The following SHROOM4 variants were observed in gnomAD, a reference collection of about 807,000 sequenced individuals.
SHROOM4 encodes the protein protein Shroom4.
In SHROOM4, 17 loss-of-function variants were observed where a neutral mutation model predicts 80.3. The observed-to-expected ratio is 0.21, with a 90% confidence interval of 0.14 to 0.32. The LOEUF is 0.32. Among genes scored for constraint, SHROOM4 ranks in the 10% least tolerant of loss-of-function variants. The probability of loss-of-function intolerance (pLI) is 1.00; values close to 1 mark genes in which losing one functional copy is unlikely to be tolerated. For synonymous variants in SHROOM4, 400 were observed against 437.5 expected (o/e 0.91, Z 1.07); for missense variants, 993 against 1,140.3 (o/e 0.87, Z 1.86).
At position 50,634,547 on chromosome X, in the gene SHROOM4, A is replaced by G; in HGVS notation, c.1526T>C (p.Phe509Ser). The change falls in exon 4 of 9, where the codon TTC (phenylalanine) becomes TCC (serine). Residue 509 changes from phenylalanine to serine, a missense_variant. Coordinates refer to ENST00000376020, the MANE Select transcript of SHROOM4 (RefSeq NM_020717.5). The part of the protein sequence containing the change: ...EADGHPSEKG[F>S]LDPNRTSRAA... ...TCTGCTTGTTCTGTTTGGGTCCAGGAAACCTTTTTCTGAGGGGTGTCCATC... is the reference window on the plus strand; with the variant it reads ...TCTGCTTGTTCTGTTTGGGTCCAGGGAACCTTTTTCTGAGGGGTGTCCATC... 1 of 1,211,625 alleles carries G rather than the reference A, an allele frequency of 8.3e-7. No individual in the cohort carries two copies. The highest frequency in any genetic ancestry group is 1.1e-6 in the Non-Finnish European group (1 of 895,530).
intron 1 of SHROOM4, among the ~76,000 whole-genome samples, chrX:50,795,096 TATATG>T (rs1467043369): frequency 1.7e-5 from 1 of 58,079 alleles, no homozygotes; most frequent in African/African-American, 9.0e-5. Context: ...ATGATATATA[TATATG>T]ATATATATAT....
chrX:50,669,094 A>AATC (rs1932763870), intron 2 of SHROOM4, among the ~76,000 whole-genome samples: 1 of 112,554 alleles, frequency 8.9e-6, no homozygotes, highest in Non-Finnish European at 1.9e-5. Context: ...AGTGAGTCAT[A>AATC]ATCTTTTTGC....
intron 2 of SHROOM4, among the ~76,000 whole-genome samples, chrX:50,651,055 T>C (rs368766318): frequency 9.5e-4 from 106 of 111,311 alleles, no homozygotes; most frequent in African/African-American, 3.2e-3. Flanking sequence ...CAAGTCAAGG[T>C]CAGTATCAAG....
intron 4 of SHROOM4, among the ~76,000 whole-genome samples, chrX:50,629,391 C>T (rs1366383266): frequency 3.6e-5 from 4 of 111,821 alleles, no homozygotes; most frequent in East Asian, 2.8e-4. Context: ...GGATTCAAAT[C>T]GCACACCTGC....
At chrX:50,769,729 C>T (rs781832266) in intron 1 of SHROOM4, among the ~76,000 whole-genome samples, 3 of 111,580 alleles carry the variant, frequency 2.7e-5, no homozygotes, top group South Asian at 7.7e-4. Flanking sequence ...GTCTACCCTT[C>T]TGCCTTAATA....
Position 50,669,383 on chromosome X carries a change from C to T in SHROOM4, c.269+26403G>A, listed in dbSNP as rs782345332. Among the ~76,000 whole-genome samples, 66 of 111,533 alleles carry T rather than the reference C, an allele frequency of 5.9e-4. 1 individual carries two copies. Among genetic ancestry groups the T allele is most frequent in the Admixed American group, 3.8e-3 (40 of 10,537 alleles). The stretch of plus-strand genomic sequence containing the variant: ...GCAGTGGCGTGATCACAGCTTACTG[C>T]GGTCTCTACCTCCCTGGGCTCAAGC... On this transcript the variant is annotated intron_variant, in intron 2 of 8. Transcript: ENST00000376020.
chrX:50,687,144 T>C (rs1276203330), intron 2 of SHROOM4: 2 of 111,633 alleles, frequency 1.8e-5, no homozygotes, highest in African/African-American at 6.5e-5. Flanking sequence ...GGTCTTCTTT[T>C]TGGAGAATGC....
Position 50,695,965 on chromosome X carries a change from C to A in SHROOM4, c.118-28G>T, listed in dbSNP as rs782161557. The A allele has an allele frequency of 9.9e-6, 12 of 1,207,655 alleles. No homozygotes were observed. The South Asian group carries it at 1.6e-4, about 16-fold the overall frequency. On this transcript the variant is annotated intron_variant, in intron 1 of 8. Coordinates refer to ENST00000376020, the MANE Select transcript of SHROOM4 (RefSeq NM_020717.5). ...GTGTTGCAGAGAACAAAACAGAAAG[C>A]AGGTAGTGAGATGACTTTCTCCCCA... is the stretch of plus-strand genomic sequence containing the variant.
intron 1 of SHROOM4, among the ~76,000 whole-genome samples, chrX:50,706,449 C>A (rs782309989): frequency 1.8e-5 from 2 of 112,190 alleles, no homozygotes; most frequent in East Asian, 5.6e-4. Flanking sequence ...AGTTGCTCAA[C>A]AAATATTTGT....
intron 2 of SHROOM4, among the ~76,000 whole-genome samples, chrX:50,691,750 G>A (rs782782723): frequency 1.8e-5 from 2 of 111,791 alleles, no homozygotes; most frequent in East Asian, 5.6e-4. Flanking sequence ...TCAAACCAAA[G>A]TCTTTCTACC....
chrX:50,599,072 G>A (rs1372097948), intron 7 of SHROOM4, among the ~76,000 whole-genome samples: 1 of 108,928 alleles, frequency 9.2e-6, no homozygotes, highest in Non-Finnish European at 1.9e-5. Context: ...ATGTTGGCCA[G>A]GCTGACCTCA....
At chrX:50,803,729 T>C (rs1264763351) in intron 1 of SHROOM4, among the ~76,000 whole-genome samples, 1 of 112,391 alleles carries the variant, frequency 8.9e-6, no homozygotes, top group Non-Finnish European at 1.9e-5. Flanking sequence ...TCAACAAAAC[T>C]GTCATCTCTT....
chrX:50,715,782 A>T (rs782159700), intron 1 of SHROOM4, among the ~76,000 whole-genome samples: 4 of 109,811 alleles, frequency 3.6e-5, no homozygotes, highest in African/African-American at 1.3e-4. Flanking sequence ...TACAGCCATT[A>T]TGAAAAACGG....
chrX:50,761,841 G>A (rs1406631823), intron 1 of SHROOM4, among the ~76,000 whole-genome samples: 1 of 111,763 alleles, frequency 8.9e-6, no homozygotes, highest in Non-Finnish European at 1.9e-5. Context: ...GATTACAAGC[G>A]TGAGCCACTG....
chrX:50,683,880 T>C (rs1932997317), intron 2 of SHROOM4, among the ~76,000 whole-genome samples: 3 of 110,249 alleles, frequency 2.7e-5, no homozygotes, highest in Admixed American at 9.7e-5. Context: ...GTTAGAAGAG[T>C]AGAGAAACTT....
At chrX:50,762,568 T>C (rs1557269000) in intron 1 of SHROOM4, among the ~76,000 whole-genome samples, 1 of 112,338 alleles carries the variant, frequency 8.9e-6, no homozygotes, top group African/African-American at 3.2e-5. Flanking sequence ...ATATTTCTTG[T>C]AAGGGAAGTC....
In SHROOM4 at chrX:50,635,355, T is replaced by G; in HGVS notation, c.718A>C (p.Ser240Arg). The G allele has an allele frequency of 8.3e-7, 1 of 1,204,691 alleles. No individual in the cohort carries two copies. Among genetic ancestry groups the G allele is most frequent in the Non-Finnish European group, 1.1e-6 (1 of 891,886 alleles). The change falls in exon 4 of 9, where the codon AGT becomes CGT. Residue 240 changes from serine (S) to arginine (R), a missense_variant. By Grantham distance (110) the Ser-to-Arg change is moderately radical (BLOSUM62 -1). Transcript: ENST00000376020. ...RPNVAETSGGSRRTNGGHLTP... is the reference protein window; with the variant it reads ...RPNVAETSGGRRRTNGGHLTP... ...AGGTGGCCCCCATTGGTGCGCCGAC[T>G]ACCTCCTGAGGTCTCAGCCACATTA...
At position 50,592,796 on chromosome X, in the gene SHROOM4, C is replaced by T. The variant is rs1048792523; in HGVS notation, c.*3899G>A. The T allele has an allele frequency of 1.7e-5, 2 of 116,277 alleles. No individual in the cohort carries two copies. The highest frequency in any genetic ancestry group is 3.6e-5 in the Non-Finnish European group (2 of 55,817). 9.6% of individuals were successfully genotyped at this position (116,277 alleles called of 1,213,427 possible). ...AAGTCTAGAAAGAATGGCTTACCTTCGATCAGGCTAGACTCCAGAACTAGA... is the reference window on the plus strand; with the variant it reads ...AAGTCTAGAAAGAATGGCTTACCTTTGATCAGGCTAGACTCCAGAACTAGA... On this transcript the variant is annotated 3_prime_UTR_variant, in exon 9 of 9. Coordinates refer to ENST00000376020, the MANE Select transcript of SHROOM4 (RefSeq NM_020717.5).
At chrX:50,599,950 C>T (rs1168104366) in intron 7 of SHROOM4, among the ~76,000 whole-genome samples, 6 of 111,650 alleles carry the variant, frequency 5.4e-5, no homozygotes, top group African/African-American at 1.6e-4. Flanking sequence ...CTGTCTGTGT[C>T]TTCTGATTTG....
Sources: gnomAD v4.1 joint callset for allele counts (sites outside exome capture counted in the v4.1 genomes callset) on GRCh38, gnomAD v4.1.1 for gene constraint, MANE v1.5 for transcripts, NCBI Gene and HGNC (gene_info 2026-07-23, HGNC 2026-07-21) for gene names.